The following APOB variants were observed in gnomAD, a reference collection of about 807,000 sequenced individuals.
APOB encodes apolipoprotein B-100.
In APOB, 153 loss-of-function variants were observed where a neutral mutation model predicts 314.1. The ratio of observed to expected loss-of-function variants is 0.49; its 90% CI spans 0.43 to 0.56. The LOEUF is 0.56. APOB is among the 20% of genes least tolerant of loss of function. The pLI, the probability that APOB is intolerant of heterozygous loss-of-function variation, is 0.00. For missense variants in APOB, 5,430 were observed against 5,350.7 expected, an observed-to-expected ratio of 1.01 and a Z score of -0.46; for synonymous variants, 2,087 against 2,036.4, an observed-to-expected ratio of 1.02 and a Z score of -0.67.
In APOB at chr2:21,003,088, C is replaced by T. The variant is rs1663036153; in HGVS notation, c.12334G>A (p.Ala4112Thr). Residue 4112 changes from alanine to threonine, a missense_variant, in exon 29 of 29, where the codon GCT (alanine) becomes ACT (threonine). Ala to Thr is a moderately conservative substitution (Grantham distance 58). Around this residue, in one of 3 missense-constraint regions of APOB, gnomAD observed 3,281 missense variants for 3,171.0 expected, o/e 1.03. Coordinates refer to ENST00000233242, the MANE Select transcript of APOB (RefSeq NM_000384.3). ...ATGGCCCCTTGATAAACCCACTCAG[C>T]ATTGTTCTGCAGATTTCTTCTCAGC... ...SKLRRNLQNN[A>T]EWVYQGAIRQ... 2 of 1,591,474 alleles carry T rather than the reference C, an allele frequency of 1.3e-6. No individual in the cohort carries two copies. Among genetic ancestry groups the T allele is most frequent in the South Asian group, 1.1e-5 (1 of 87,552 alleles).
intron 16 of APOB, 94 bp from the exon 17 acceptor site, chr2:21,023,786 C>G: frequency 9.4e-7 from 1 of 1,067,948 alleles, no homozygotes; most frequent in South Asian, 1.8e-5. Flanking sequence ...AGTAATTCCT[C>G]TTTATCTGGA....
intron 18 of APOB, 30 bp from the exon 19 acceptor site, chr2:21,019,935 T>A: frequency 1.2e-6 from 2 of 1,608,098 alleles, no homozygotes; most frequent in Non-Finnish European, 1.7e-6. Flanking sequence ...CCTGAGTTAT[T>A]GCCAAGTCAT....
At position 21,009,961 on chromosome 2, in the gene APOB, T is replaced by C. The variant is rs1663260204; in HGVS notation, c.6907A>G (p.Thr2303Ala). 6.2e-7 allele frequency: 1 copy of C among 1,613,558 alleles called. No individual in the cohort carries two copies. The highest frequency in any genetic ancestry group is 1.7e-5 in the Admixed American group (1 of 60,002). Residue 2303 changes from threonine (T) to alanine (A), a missense_variant, in exon 26 of 29, where the codon ACT becomes GCT. By Grantham distance (58) the Thr-to-Ala change is moderately conservative. Around this residue, in one of 3 missense-constraint regions of APOB, gnomAD observed 3,281 missense variants for 3,171.0 expected, o/e 1.03. Coordinates refer to ENST00000233242, the MANE Select transcript of APOB (RefSeq NM_000384.3). Reference sequence around the variant, plus strand: ...TTTATTCTTTCAAATGAAATTGTAGTTCCCAATTGATCTAAAAGCACTCTA... The same window carrying C: ...TTTATTCTTTCAAATGAAATTGTAGCTCCCAATTGATCTAAAAGCACTCTA... ...DVRVLLDQLG[T>A]TISFERINDI...
In APOB at chr2:21,029,648, A is replaced by G. The variant is rs1298814497; in HGVS notation, c.1608T>C (p.Pro536=). Residue 536 remains proline, a synonymous_variant, in exon 12 of 29, where the codon CCT becomes CCC. Transcript: ENST00000233242. ...AAIQALRKME[P]KDKDQEVLLQ... The stretch of plus-strand genomic sequence containing the variant: ...TTCTTGTGGACTTTACCTTGTCTTT[A>G]GGCTCCATTTTCCGCAGAGCCTGGA... The G allele has an allele frequency of 6.2e-7, 1 of 1,614,070 alleles. No individual in the cohort carries two copies. Among genetic ancestry groups the G allele is most frequent in the East Asian group, 2.2e-5 (1 of 44,888 alleles).
intron 12 of APOB, 63 bp downstream of exon 12, chr2:21,029,576 C>T (rs1436746775): frequency 1.3e-6 from 2 of 1,573,724 alleles, no homozygotes; most frequent in Non-Finnish European, 1.7e-6. Flanking sequence ...TCTCATTCCC[C>T]TAGTACCTTC....
At position 21,015,110 on chromosome 2, in the gene APOB, T is replaced by A. The variant is rs755505059; in HGVS notation, c.3659A>T (p.Asp1220Val). 1 of 1,614,228 alleles carries A rather than the reference T, an allele frequency of 6.2e-7. No individual in the cohort carries two copies. Among genetic ancestry groups the A allele is most frequent in the East Asian group, 2.2e-5 (1 of 44,886 alleles). ...GGAACCCACGTGCCGGAAAGTCATG[T>A]CTGTTTGAGGGACTCTGTGATCCAG... ...RLLDHRVPQT[D>V]MTFRHVGSKL... The change falls in exon 23 of 29, where the codon GAC becomes GTC. Residue 1220 changes from aspartate to valine, a missense_variant. This residue lies in a region of APOB where 2,085 missense variants were observed against 2,079.7 expected (regional missense o/e 1.00). Transcript: ENST00000233242.
chr2:21,014,070 T>G (rs1663405990), intron 24 of APOB, among the ~76,000 whole-genome samples: 1 of 152,244 alleles, frequency 6.6e-6, no homozygotes. Context: ...CTCAGAATGC[T>G]GCCTCCATTT....
chr2:21,024,709 C>T, intron 16 of APOB: 2 of 690,998 alleles, frequency 2.9e-6, no homozygotes, highest in Non-Finnish European at 5.3e-6. Context: ...AATTAATGCT[C>T]TTAAAAATAC....
chr2:21,032,328 A>T (rs1663899783), intron 10 of APOB, 26 bp downstream of exon 10: 2 of 1,600,084 alleles, frequency 1.2e-6, no homozygotes. Flanking sequence ...TGCTCCTAGG[A>T]GGAGAAATAC....
intron 18 of APOB, among the ~76,000 whole-genome samples, chr2:21,020,765 A>G (rs1663586856): frequency 6.6e-6 from 1 of 152,218 alleles, no homozygotes; most frequent in Non-Finnish European, 1.5e-5. Flanking sequence ...GGGTGCCACA[A>G]GACCAAGCTT....
chr2:21,035,598 C>T lies in APOB; in HGVS notation c.804G>A (p.Leu268=), dbSNP rs779535898. 8 of 1,614,084 alleles carry T rather than the reference C, an allele frequency of 5.0e-6. No homozygotes were observed. The highest frequency in any genetic ancestry group is 6.8e-6 in the Non-Finnish European group (8 of 1,180,032). ...EAICKEQHLF[L]PFSYKNKYGM... is the part of the protein sequence containing the mutation. ...ACATGACCTACTTGTAGGAGAAAGG[C>T]AGGAAGAGGTGTTGCTCCTTGCAGA... The change falls in exon 7 of 29, where the codon CTG becomes CTA. Residue 268 remains leucine (L), a synonymous_variant. Coordinates refer to ENST00000233242, the MANE Select transcript of APOB (RefSeq NM_000384.3).
intron 10 of APOB, among the ~76,000 whole-genome samples, chr2:21,030,266 G>A (rs1663841284): frequency 6.6e-6 from 1 of 152,134 alleles, no homozygotes; most frequent in Non-Finnish European, 1.5e-5. Context: ...ATAGATCAAT[G>A]GAACAGAATA....
rs1663127183 is a variant in APOB at position 21,006,022 on chromosome 2, G to A, written c.10846C>T (p.Leu3616Phe). ...QPSSFHDFPDLGQEVALNANT... is the reference protein window; with the variant it reads ...QPSSFHDFPDFGQEVALNANT... ...GCATTCAGGGCCACTTCCTGGCCAA[G>A]GTCAGGGAAATCATGGAAGGAACTG... The change falls in exon 26 of 29, where the codon CTT (leucine) becomes TTT (phenylalanine). Residue 3616 changes from leucine to phenylalanine, a missense_variant. Around this residue, in one of 3 missense-constraint regions of APOB, gnomAD observed 3,281 missense variants for 3,171.0 expected, o/e 1.03. Transcript: ENST00000233242. 1 of 1,614,010 alleles carries A rather than the reference G, an allele frequency of 6.2e-7. No homozygotes were observed. Among genetic ancestry groups the A allele is most frequent in the Non-Finnish European group, 8.5e-7 (1 of 1,179,950 alleles).
intron 5 of APOB, among the ~76,000 whole-genome samples, 173 bp from the exon 6 acceptor site, chr2:21,037,428 A>C (rs1273335949): frequency 6.6e-6 from 1 of 152,146 alleles, no homozygotes; most frequent in Non-Finnish European, 1.5e-5. Flanking sequence ...GGCCAGCCCA[A>C]GTTGGGAGAG....
chr2:21,024,531 A>C (rs1663686530), intron 16 of APOB: 1 of 338,242 alleles, frequency 3.0e-6, no homozygotes, highest in Non-Finnish European at 5.3e-6. Context: ...AGGCAGGAGA[A>C]TTGCTTGAAC....
Position 21,029,742 on chromosome 2 carries a change from T to C in APOB, c.1514A>G (p.Glu505Gly). Residue 505 changes from glutamate (E) to glycine (G), a missense_variant, in exon 12 of 29, where the codon GAA (glutamate) becomes GGA (glycine). Glu to Gly is a moderately conservative substitution (Grantham distance 98, BLOSUM62 -2). Around this residue, in one of 3 missense-constraint regions of APOB, gnomAD observed 2,085 missense variants for 2,079.7 expected, o/e 1.00. Coordinates refer to ENST00000233242, the MANE Select transcript of APOB (RefSeq NM_000384.3). ...ACATTTCAGGATTGAAGACTTGAGT[T>C]CTGGAGTTAACTGCTCCATGGTTTG... The part of the protein sequence containing the change: ...MGQTMEQLTP[E>G]LKSSILKCVQ... 1 of 1,614,212 alleles carries C rather than the reference T, an allele frequency of 6.2e-7. No individual in the cohort carries two copies. The highest frequency in any genetic ancestry group is 8.5e-7 in the Non-Finnish European group (1 of 1,180,030).
chr2:21,035,517 A>T, intron 7 of APOB, 67 bp downstream of exon 7: 1 of 1,598,228 alleles, frequency 6.3e-7, no homozygotes. Flanking sequence ...GGAACAGAGC[A>T]CTTGAGAAGT....
At chr2:21,018,697 G>T (rs1036372273) in intron 20 of APOB, among the ~76,000 whole-genome samples, 2 of 152,038 alleles carry the variant, frequency 1.3e-5, no homozygotes, top group Non-Finnish European at 2.9e-5. Flanking sequence ...ACCAGTCTAC[G>T]CTCTGTTTTC....
rs1005934435 is a variant in APOB, at chr2:21,008,216, A to C, written c.8652T>G (p.Asp2884Glu). The stretch of plus-strand genomic sequence containing the variant: ...ATTTGTGGAAGTATTTAGTGTTGCT[A>C]TCCAGGGTAAGCTGATTGTTTATCT... Reference protein sequence around the residue: ...IVKINNQLTLDSNTKYFHKLN... With the variant: ...IVKINNQLTLESNTKYFHKLN... Residue 2884 changes from aspartate to glutamate, a missense_variant, in exon 26 of 29, where the codon GAT (aspartate) becomes GAG (glutamate). By Grantham distance (45) the Asp-to-Glu change is conservative. This residue lies in a region of APOB where 3,281 missense variants were observed against 3,171.0 expected (regional missense o/e 1.03). Transcript: ENST00000233242. 4.3e-6 allele frequency: 7 copies of C among 1,613,980 alleles called. No homozygotes were observed. Among genetic ancestry groups the C allele is most frequent in the Admixed American group, 1.7e-5 (1 of 60,000 alleles).
Sources: gnomAD v4.1 joint callset for allele counts (sites outside exome capture counted in the v4.1 genomes callset) on GRCh38, gnomAD v4.1.1 for gene constraint, gnomAD v4.1.1 regional missense constraint, MANE v1.5 for transcripts, NCBI Gene and HGNC (gene_info 2026-07-23, HGNC 2026-07-21) for gene names.